The following KLHDC3 variants were observed in gnomAD, a reference collection of about 807,000 sequenced individuals.
The protein encoded by KLHDC3 is kelch domain containing 3.
A neutral mutation model predicts 44.1 loss-of-function variants in KLHDC3; 5 were observed. The observed-to-expected ratio is 0.11, with a 90% CI of 0.06 to 0.24. The LOEUF is 0.24. Ranked by LOEUF, KLHDC3 falls within the 10% of genes least tolerant of loss-of-function variation. The pLI is 1.00. For synonymous variants in KLHDC3, 170 were observed against 189.0 expected (o/e 0.90, Z 0.82); for missense variants, 247 against 514.3 (o/e 0.48, Z 5.03).
At position 43,019,077 on chromosome 6, in the gene KLHDC3, T is replaced by G; in HGVS notation, c.930-15T>G. The G allele has an allele frequency of 6.2e-7, 1 of 1,610,262 alleles. No homozygotes were observed. Among genetic ancestry groups the G allele is most frequent in the Non-Finnish European group, 8.5e-7 (1 of 1,176,622 alleles). On this transcript the variant is annotated splice_polypyrimidine_tract_variant and intron_variant, in intron 8 of 10. Transcript: ENST00000326974. ...AGTTTTTGTCCTACTTTCATCTCTC[T>G]TTTGATCCCGACAGTCCATCTCCTG...
chr6:43,019,228 C>T (rs1031660575), intron 9 of KLHDC3, 60 bp from the exon 10 acceptor site: 1 of 1,549,024 alleles, frequency 6.5e-7, no homozygotes, highest in Non-Finnish European at 8.9e-7. Flanking sequence ...GTGGTGATAT[C>T]CAGGACTGGA....
chr6:43,018,806 G>T lies in KLHDC3; in HGVS notation c.821-57G>T. On this transcript the variant is annotated intron_variant, in intron 7 of 10. Coordinates refer to ENST00000326974, the MANE Select transcript of KLHDC3 (RefSeq NM_057161.4). The surrounding 1 kb of genome is among the most constrained non-coding windows in gnomAD (Gnocchi z 6.0). ...AATCCTGAGGCGGTGAGGGATGGGGGTGGGGAAGATACCTGGACTAGGCAG... is the reference window on the plus strand; with the variant it reads ...AATCCTGAGGCGGTGAGGGATGGGGTTGGGGAAGATACCTGGACTAGGCAG... The T allele has an allele frequency of 6.5e-7, 1 of 1,544,226 alleles. No individual in the cohort carries two copies. The highest frequency in any genetic ancestry group is 9.0e-7 in the Non-Finnish European group (1 of 1,116,378).
At chr6:43,019,215 TGGGTGGTGATATCCAG>T in intron 9 of KLHDC3, 50 bp downstream of exon 9, 1 of 1,551,678 alleles carries the variant, frequency 6.4e-7, no homozygotes, top group Non-Finnish European at 8.9e-7. Flanking sequence ...TCCCTGTCTT[TGGGTGGTGATATCCAG>T]GACTGGATCC....
chr6:43,017,720 A>G lies in KLHDC3; in HGVS notation c.331+25A>G, dbSNP rs114277098. 2,763 of 1,606,796 alleles carry G rather than the reference A, an allele frequency of 1.7e-3. 47 individuals are homozygous for G. The African/African-American group carries it at 0.031, about 18-fold the overall frequency. On this transcript the variant is annotated intron_variant, in intron 3 of 10. Coordinates refer to ENST00000326974, the MANE Select transcript of KLHDC3 (RefSeq NM_057161.4). This position sits in a 1 kb window ranked among gnomAD's most constrained non-coding sequence, Gnocchi z 6.0. ...AGTGAGTATGGATCTCAGAGAGGCT[A>G]TGTCCTTCCAGATGTTGCCTCAGTT...
Position 43,020,995 on chromosome 6 carries a change from G to GCT in KLHDC3, c.*265_*266dup. On this transcript the variant is annotated 3_prime_UTR_variant, in exon 11 of 11. Coordinates refer to ENST00000326974, the MANE Select transcript of KLHDC3 (RefSeq NM_057161.4). ...TCCTTTCAGCTGCTCCTGGGCCTCAGCTCTGCCCAGGGCCAGCCAGGTTCT... is the reference window on the plus strand; with the variant it reads ...TCCTTTCAGCTGCTCCTGGGCCTCAGCTCTCTGCCCAGGGCCAGCCAGGTTCT... 1.6e-6 allele frequency: 1 copy of GCT among 616,924 alleles called. No homozygotes were observed. The allele number at this position is 616,924 out of a possible 1,614,324, so 38.2% of individuals were successfully genotyped here.
chr6:43,020,952 GCT>G lies in KLHDC3; in HGVS notation c.*222_*223del, dbSNP rs1358983031. ...GGGCCGAGGGCCCCTTCCCCTTGGTGCTCTGTCCCCATCCACCTCCTTTCAGC... is the reference window on the plus strand; with the variant it reads ...GGGCCGAGGGCCCCTTCCCCTTGGTGCTGTCCCCATCCACCTCCTTTCAGC... On this transcript the variant is annotated 3_prime_UTR_variant, in exon 11 of 11. Coordinates refer to ENST00000326974, the MANE Select transcript of KLHDC3 (RefSeq NM_057161.4). 3.0e-6 allele frequency: 2 copies of G among 660,996 alleles called. No homozygotes were observed. Among genetic ancestry groups the G allele is most frequent in the Non-Finnish European group, 2.8e-6 (1 of 360,046 alleles). 40.9% of individuals were successfully genotyped at this position (660,996 alleles called of 1,614,324 possible). A position where few individuals can be genotyped will look rare whatever the true frequency, so the allele number is the denominator to read the frequency against.
Position 43,020,873 on chromosome 6 carries a change from C to T in KLHDC3, c.*140C>T. 2.7e-6 allele frequency: 2 copies of T among 729,498 alleles called. No individual in the cohort carries two copies. Among genetic ancestry groups the T allele is most frequent in the Non-Finnish European group, 4.9e-6 (2 of 408,144 alleles). 45.2% of individuals were successfully genotyped at this position (729,498 alleles called of 1,614,324 possible). ...TGTTGGGCGAGAGGTGTTCTCTGTG[C>T]TGTGAATTCAGTGGGGAGCTGTAGC... On this transcript the variant is annotated 3_prime_UTR_variant, in exon 11 of 11. Coordinates refer to ENST00000326974, the MANE Select transcript of KLHDC3 (RefSeq NM_057161.4).
chr6:43,020,813 T>C lies in KLHDC3; in HGVS notation c.*80T>C. On this transcript the variant is annotated 3_prime_UTR_variant, in exon 11 of 11. Transcript: ENST00000326974. ...GCCCATCTGTCACCCACCTGCTCCTTTGACCCCTGGACTTGGTATACCTCC... is the reference window on the plus strand; with the variant it reads ...GCCCATCTGTCACCCACCTGCTCCTCTGACCCCTGGACTTGGTATACCTCC... 5 of 1,114,630 alleles carry C rather than the reference T, an allele frequency of 4.5e-6. No individual in the cohort carries two copies. The highest frequency in any genetic ancestry group is 1.4e-6 in the Non-Finnish European group (1 of 726,554). 69.0% of individuals were successfully genotyped at this position (1,114,630 alleles called of 1,614,324 possible).
rs1235240766 is a variant in KLHDC3, at chr6:43,018,555, C to T, written c.732C>T (p.Ala244=). 1.9e-6 allele frequency: 3 copies of T among 1,613,992 alleles called. No homozygotes were observed. The highest frequency in any genetic ancestry group is 1.7e-5 in the Admixed American group (1 of 60,012). The part of the protein sequence containing the change: ...VLPEGRRSHS[A]FGYNGELYIF... ...CTGAGGGGCGCCGGAGCCACTCGGCCTGTGAGTGTTTGTTACTTCCCTGTG... is the reference window on the plus strand; with the variant it reads ...CTGAGGGGCGCCGGAGCCACTCGGCTTGTGAGTGTTTGTTACTTCCCTGTG... The change falls in exon 6 of 11, where the codon GCC becomes GCT. Residue 244 remains alanine (A), a splice_region_variant and synonymous_variant. Transcript: ENST00000326974. This position sits in a 1 kb window ranked among gnomAD's most constrained non-coding sequence, Gnocchi z 6.0.
In KLHDC3 at chr6:43,018,151, T is replaced by C; in HGVS notation, c.454T>C (p.Cys152Arg). 1.2e-6 allele frequency: 2 copies of C among 1,607,164 alleles called. No homozygotes were observed. The highest frequency in any genetic ancestry group is 1.7e-6 in the Non-Finnish European group (2 of 1,173,722). Residue 152 changes from cysteine (C) to arginine (R), a missense_variant, in exon 5 of 11, where the codon TGT becomes CGT. Around this residue, in one of 2 missense-constraint regions of KLHDC3, gnomAD observed 176 missense variants for 413.5 expected, o/e 0.43. Coordinates refer to ENST00000326974, the MANE Select transcript of KLHDC3 (RefSeq NM_057161.4). The surrounding 1 kb of genome is among the most constrained non-coding windows in gnomAD (Gnocchi z 6.0). ...IFGGYEQQAD[C>R]FSNDIHKLDT... Reference sequence around the variant, plus strand: ...CTTTTCTCTTCCTACTCAGGCGGACTGTTTTTCCAATGACATTCACAAGCT... The same window carrying C: ...CTTTTCTCTTCCTACTCAGGCGGACCGTTTTTCCAATGACATTCACAAGCT...
At chr6:43,016,066 G>T (rs1418457072) in intron 1 of KLHDC3, among the ~76,000 whole-genome samples, 4 of 151,872 alleles carry the variant, frequency 2.6e-5, no homozygotes, top group Admixed American at 2.6e-4. Context: ...CTCCTGAGTA[G>T]CTGGGACTAC....
At position 43,018,322 on chromosome 6, in the gene KLHDC3, C is replaced by A; in HGVS notation, c.520-21C>A. The A allele has an allele frequency of 6.2e-7, 1 of 1,608,586 alleles. No individual in the cohort carries two copies. The highest frequency in any genetic ancestry group is 8.5e-7 in the Non-Finnish European group (1 of 1,175,782). ...CCAGTCTTTGTGCTGACCCCTCCACCATCTCTCTGCCTCTGCCCAGGGCAG... is the reference window on the plus strand; with the variant it reads ...CCAGTCTTTGTGCTGACCCCTCCACAATCTCTCTGCCTCTGCCCAGGGCAG... On this transcript the variant is annotated intron_variant, in intron 5 of 10. Transcript: ENST00000326974. The surrounding 1 kb of genome is among the most constrained non-coding windows in gnomAD (Gnocchi z 6.0).
rs773111536 is a variant in KLHDC3, at chr6:43,017,210, G to A, written c.18G>A (p.Val6=). Residue 6 remains valine (V), a synonymous_variant, in exon 2 of 11, where the codon GTG becomes GTA. Transcript: ENST00000326974. This position sits in a 1 kb window ranked among gnomAD's most constrained non-coding sequence, Gnocchi z 6.0. ...CCCAGGGGATGTTACGGTGGACAGT[G>A]CACCTGGAGGGCGGGCCCCGCAGGG... MLRWT[V]HLEGGPRRVN... 20 of 1,613,528 alleles carry A rather than the reference G, an allele frequency of 1.2e-5. No individual in the cohort carries two copies. Among genetic ancestry groups the A allele is most frequent in the Non-Finnish European group, 1.5e-5 (18 of 1,179,916 alleles).
intron 1 of KLHDC3, among the ~76,000 whole-genome samples, chr6:43,015,621 C>T (rs996793802): frequency 5.9e-5 from 9 of 151,598 alleles, no homozygotes; most frequent in African/African-American, 2.2e-4. Context: ...AGACCGAGGA[C>T]GGTGGATCAC....
At chr6:43,020,359 G>A (rs950222622) in intron 10 of KLHDC3, among the ~76,000 whole-genome samples, 2 of 152,148 alleles carry the variant, frequency 1.3e-5, no homozygotes, top group African/African-American at 4.8e-5. Flanking sequence ...AGCAGGAAAG[G>A]CAGGTTGGGA....
In KLHDC3 at chr6:43,017,113, G is replaced by A. The variant is rs1762596981; in HGVS notation, c.-59-21G>A. 6.0e-6 allele frequency: 9 copies of A among 1,507,606 alleles called. No homozygotes were observed. Among genetic ancestry groups the A allele is most frequent in the Admixed American group, 3.6e-5 (2 of 55,946 alleles). The allele number at this position is 1,507,606 out of a possible 1,614,324, so 93.4% of individuals were successfully genotyped here. A position where few individuals can be genotyped will look rare whatever the true frequency, so the allele number is the denominator to read the frequency against. ...GGCAGAAGCCTCGCCTGAGGATCCC[G>A]TGGCCCCAATTTGTGTGCAGATAGC... On this transcript the variant is annotated intron_variant, in intron 1 of 10. Coordinates refer to ENST00000326974, the MANE Select transcript of KLHDC3 (RefSeq NM_057161.4). This position sits in a 1 kb window ranked among gnomAD's most constrained non-coding sequence, Gnocchi z 6.0.
Position 43,019,100 on chromosome 6 carries a change from C to G in KLHDC3, c.938C>G (p.Pro313Arg), listed in dbSNP as rs1762639964. The change falls in exon 9 of 11, where the codon CCT becomes CGT. Residue 313 changes from proline to arginine, a missense_variant. By Grantham distance (103) the Pro-to-Arg change is moderately radical. Transcript: ENST00000326974. ...TCTTTTGATCCCGACAGTCCATCTC[C>G]TGAGGAAGGCCTGGGAGATGAATTT... is the stretch of plus-strand genomic sequence containing the variant. Reference protein sequence around the residue: ...IVLFGGTSPSPEEGLGDEFDL... With the variant: ...IVLFGGTSPSREEGLGDEFDL... 6.2e-7 allele frequency: 1 copy of G among 1,613,354 alleles called. No individual in the cohort carries two copies. The highest frequency in any genetic ancestry group is 8.5e-7 in the Non-Finnish European group (1 of 1,179,404).
intron 10 of KLHDC3, among the ~76,000 whole-genome samples, chr6:43,019,840 C>T (rs1762650871): frequency 6.6e-6 from 1 of 152,148 alleles, no homozygotes; most frequent in East Asian, 1.9e-4. Context: ...TTTTTCCTGT[C>T]TGGGTCATTC....
intron 10 of KLHDC3, among the ~76,000 whole-genome samples, chr6:43,019,574 A>G (rs577016770): frequency 6.6e-6 from 1 of 152,308 alleles, no homozygotes; most frequent in African/African-American, 2.4e-5. Flanking sequence ...AAAAAAAAAT[A>G]CAGCTCGGCA....
Sources: gnomAD v4.1 joint callset for allele counts (sites outside exome capture counted in the v4.1 genomes callset) on GRCh38, gnomAD v4.1.1 for gene constraint, gnomAD v4.1.1 regional missense constraint, Gnocchi (gnomAD v3.1) non-coding constraint, MANE v1.5 for transcripts, NCBI Gene and HGNC (gene_info 2026-07-23, HGNC 2026-07-21) for gene names.